Variants in ADCY2 observed in about 807,000 individuals in gnomAD.
ADCY2 encodes adenylate cyclase 2, also known as adenylate cyclase type 2.
In ADCY2, 31 loss-of-function variants were observed where a neutral mutation model predicts 125.2. That is an observed-to-expected ratio of 0.25 (90% CI 0.19 to 0.33). ADCY2 has a LOEUF of 0.33. ADCY2 is among the 10% of genes least tolerant of loss of function. The probability of loss-of-function intolerance (pLI) is 1.00; values close to 1 mark genes in which losing one functional copy is unlikely to be tolerated. For missense variants in ADCY2, 904 were observed against 1,418.2 expected, an observed-to-expected ratio of 0.64 and a Z score of 5.82; for synonymous variants, 512 against 548.4, an observed-to-expected ratio of 0.93 and a Z score of 0.93.
intron 15 of ADCY2, among the ~76,000 whole-genome samples, chr5:7,754,084 C>G (rs1268270664): frequency 6.6e-6 from 1 of 152,122 alleles, no homozygotes; most frequent in Non-Finnish European, 1.5e-5. Flanking sequence ...TCTGCCAAAC[C>G]CCCATGCGTC....
intron 3 of ADCY2, among the ~76,000 whole-genome samples, chr5:7,585,172 A>C (rs1674650899): frequency 6.6e-6 from 1 of 152,122 alleles, no homozygotes; most frequent in African/African-American, 2.4e-5. Flanking sequence ...GTCTCCTCTG[A>C]GAATATGTTC....
chr5:7,779,164 A>G (rs1457006224), intron 18 of ADCY2, among the ~76,000 whole-genome samples: 1 of 152,176 alleles, frequency 6.6e-6, no homozygotes, highest in Non-Finnish European at 1.5e-5. Flanking sequence ...CAACAAAGCA[A>G]GTCATCCTAG....
At chr5:7,565,102 C>T (rs1003412142) in intron 3 of ADCY2, among the ~76,000 whole-genome samples, 1 of 152,240 alleles carries the variant, frequency 6.6e-6, no homozygotes, top group African/African-American at 2.4e-5. Flanking sequence ...CTGGAATAAA[C>T]GCACATGGGC....
intron 3 of ADCY2, among the ~76,000 whole-genome samples, chr5:7,544,861 G>A (rs1219816332): frequency 6.6e-6 from 1 of 152,186 alleles, no homozygotes; most frequent in Non-Finnish European, 1.5e-5. Context: ...ATGAAACCCA[G>A]GAGTAACCTG....
At chr5:7,453,346 C>A (rs1741542793) in intron 2 of ADCY2, among the ~76,000 whole-genome samples, 1 of 152,170 alleles carries the variant, frequency 6.6e-6, no homozygotes, top group African/African-American at 2.4e-5. Flanking sequence ...GCATCATTTA[C>A]TAAACGTTGT....
chr5:7,503,420 C>T (rs1416885098), intron 2 of ADCY2, among the ~76,000 whole-genome samples: 1 of 152,160 alleles, frequency 6.6e-6, no homozygotes, highest in East Asian at 1.9e-4. Context: ...CCTCTGCATA[C>T]TCTTTCAGAT....
Position 7,522,925 on chromosome 5 carries a change from CAA to C in ADCY2, c.570+2035_570+2036del, listed in dbSNP as rs10714681. On this transcript the variant is annotated intron_variant, in intron 3 of 24. Transcript: ENST00000338316. ...TGGGCGACTGAGCAAAACTCCGTCT[CAA>C]AAAAAAAACAAAAAAAAACAAAGAA... Among the ~76,000 whole-genome samples, 491 of 145,446 alleles carry C rather than the reference CAA, an allele frequency of 3.4e-3. 2 individuals carry two copies. The highest frequency in any genetic ancestry group is 5.4e-3 in the Non-Finnish European group (361 of 66,594).
intron 16 of ADCY2, among the ~76,000 whole-genome samples, chr5:7,758,115 C>G (rs542502417): frequency 6.6e-6 from 1 of 152,180 alleles, no homozygotes; most frequent in Non-Finnish European, 1.5e-5. Flanking sequence ...ACTAGAAAGA[C>G]GTTTTCATTG....
At chr5:7,573,863 A>C in intron 3 of ADCY2, among the ~76,000 whole-genome samples, 1 of 132,424 alleles carries the variant, frequency 7.6e-6, no homozygotes. Flanking sequence ...GCACCCACTA[A>C]CTCGTCATCT....
chr5:7,825,245 C>T (rs138691690), intron 24 of ADCY2, among the ~76,000 whole-genome samples: 5 of 152,168 alleles, frequency 3.3e-5, no homozygotes, highest in Admixed American at 6.5e-5. Flanking sequence ...TGCTGTGTGA[C>T]ATGACAACGC....
intron 3 of ADCY2, among the ~76,000 whole-genome samples, chr5:7,540,044 C>G (rs946570509): frequency 6.6e-6 from 1 of 152,174 alleles, no homozygotes; most frequent in Non-Finnish European, 1.5e-5. Flanking sequence ...ATGGATGGAG[C>G]TGGAGGCCAT....
At chr5:7,637,962 A>G (rs1387092686) in intron 4 of ADCY2, among the ~76,000 whole-genome samples, 1 of 152,232 alleles carries the variant, frequency 6.6e-6, no homozygotes, top group African/African-American at 2.4e-5. Context: ...GTAAACATCA[A>G]TCAGCAGCCA....
intron 3 of ADCY2, among the ~76,000 whole-genome samples, chr5:7,584,110 C>A (rs935894435): frequency 3.3e-5 from 5 of 151,958 alleles, no homozygotes; most frequent in Non-Finnish European, 7.4e-5. Context: ...TGTTCCACAT[C>A]TTTATAGGGT....
At chr5:7,673,257 A>ATATATATATATATAT in intron 4 of ADCY2, among the ~76,000 whole-genome samples, 1 of 11,978 alleles carries the variant, frequency 8.3e-5, no homozygotes, top group Non-Finnish European at 1.7e-4. Context: ...AAAAAAAAAA[A>ATATATATATATATAT]AAAAAAAAAA....
intron 2 of ADCY2, among the ~76,000 whole-genome samples, chr5:7,491,816 A>T (rs1312877571): frequency 6.6e-6 from 1 of 152,150 alleles, no homozygotes; most frequent in Non-Finnish European, 1.5e-5. Context: ...AAAATTTAGA[A>T]TGTGTTTTTT....
At chr5:7,495,546 T>G (rs1306820501) in intron 2 of ADCY2, among the ~76,000 whole-genome samples, 2 of 152,240 alleles carry the variant, frequency 1.3e-5, no homozygotes, top group Non-Finnish European at 2.9e-5. Flanking sequence ...TAGTTATTTT[T>G]GCACAAAATG....
intron 16 of ADCY2, among the ~76,000 whole-genome samples, chr5:7,759,652 C>T (rs1743132717): frequency 6.6e-6 from 1 of 152,214 alleles, no homozygotes. Context: ...AGGAGGCCTC[C>T]TCTTCTAGGT....
At chr5:7,771,599 C>A (rs1229479310) in intron 17 of ADCY2, among the ~76,000 whole-genome samples, 1 of 152,166 alleles carries the variant, frequency 6.6e-6, no homozygotes, top group Non-Finnish European at 1.5e-5. Flanking sequence ...AAGCATGCCC[C>A]TTACAAAGAG....
At chr5:7,569,556 T>G (rs938596385) in intron 3 of ADCY2, among the ~76,000 whole-genome samples, 1 of 152,166 alleles carries the variant, frequency 6.6e-6, no homozygotes, top group African/African-American at 2.4e-5. Context: ...TTATTTAGGG[T>G]TCTTCAGTTA....
Sources: allele counts gnomAD v4.1 joint callset (sites outside exome capture counted in the v4.1 genomes callset), GRCh38; gene constraint gnomAD v4.1.1; transcripts MANE v1.5; gene names NCBI Gene and HGNC (gene_info 2026-07-23, HGNC 2026-07-21).